GABRB1: variants seen among roughly 807,000 people sequenced by gnomAD.
GABRB1 encodes the protein gamma-aminobutyric acid type A receptor subunit beta1, also known as gamma-aminobutyric acid receptor subunit beta-1.
In GABRB1, 17 loss-of-function variants were observed where a neutral mutation model predicts 51.6. The ratio of observed to expected loss-of-function variants is 0.33; its 90% CI spans 0.23 to 0.49. The LOEUF (loss-of-function observed/expected upper bound fraction) is 0.49. GABRB1 is among the 20% of genes least tolerant of loss of function. GABRB1 has a pLI of 0.99. For missense variants in GABRB1, 410 were observed against 600.6 expected (o/e 0.68, Z 3.32); for synonymous variants, 247 against 218.9 (o/e 1.13, Z -1.14).
intron 5 of GABRB1, among the ~76,000 whole-genome samples, chr4:47,333,822 C>T (rs1162323398): frequency 6.6e-6 from 1 of 152,146 alleles, no homozygotes; most frequent in Non-Finnish European, 1.5e-5. Flanking sequence ...TGTTAATCTT[C>T]ATCCCACCAC....
At chr4:47,202,276 G>A (rs1719928999) in intron 4 of GABRB1, among the ~76,000 whole-genome samples, 1 of 152,104 alleles carries the variant, frequency 6.6e-6, no homozygotes, top group Admixed American at 6.6e-5. Context: ...TGTGAAGAAG[G>A]TGCCTTGCTT....
chr4:47,208,211 A>G (rs1299750987), intron 4 of GABRB1, among the ~76,000 whole-genome samples: 1 of 152,070 alleles, frequency 6.6e-6, no homozygotes, highest in Non-Finnish European at 1.5e-5. Flanking sequence ...TGAAAACATA[A>G]TGCTAAGAAA....
chr4:47,389,915 A>G (rs1425772701), intron 5 of GABRB1, among the ~76,000 whole-genome samples: 4 of 152,156 alleles, frequency 2.6e-5, no homozygotes, highest in Non-Finnish European at 4.4e-5. Context: ...TCAGTAGGTT[A>G]TTTTCTAACA....
At chr4:47,364,797 C>T (rs185175686) in intron 5 of GABRB1, among the ~76,000 whole-genome samples, 65 of 151,722 alleles carry the variant, frequency 4.3e-4, no homozygotes, top group Non-Finnish European at 4.0e-4. Flanking sequence ...TTAGAAGATG[C>T]GCATAAAATT....
At chr4:47,170,407 A>G (rs956554437) in intron 4 of GABRB1, among the ~76,000 whole-genome samples, 1 of 151,708 alleles carries the variant, frequency 6.6e-6, no homozygotes, top group Admixed American at 6.6e-5. Context: ...ACACACGCAC[A>G]CACACACACA....
intron 4 of GABRB1, among the ~76,000 whole-genome samples, chr4:47,193,304 T>C (rs1453901524): frequency 6.6e-6 from 1 of 152,152 alleles, no homozygotes; most frequent in African/African-American, 2.4e-5. Flanking sequence ...GCATTTTTAG[T>C]AGAGACAGGA....
intron 3 of GABRB1, among the ~76,000 whole-genome samples, chr4:47,076,344 G>A (rs989568177): frequency 1.3e-5 from 2 of 152,168 alleles, no homozygotes; most frequent in Non-Finnish European, 2.9e-5. Context: ...CCAGCCAGAT[G>A]TCCTTTGGAT....
chr4:47,287,423 A>G lies in GABRB1; in HGVS notation c.462-32704A>G, dbSNP rs536357075. Among the ~76,000 whole-genome samples the G allele has an allele frequency of 2.7e-4, 41 of 152,258 alleles. 1 individual carries two copies. Among genetic ancestry groups the G allele is most frequent in the African/African-American group, 7.7e-4 (32 of 41,568 alleles). On this transcript the variant is annotated intron_variant, in intron 4 of 8. Coordinates refer to ENST00000295454, the MANE Select transcript of GABRB1 (RefSeq NM_000812.4). ...CTGATCCTATCAGGGTTTTTTTCACATATTTCTGCAAATGTTTTCTTCTCT... is the reference window on the plus strand; with the variant it reads ...CTGATCCTATCAGGGTTTTTTTCACGTATTTCTGCAAATGTTTTCTTCTCT...
intron 4 of GABRB1, among the ~76,000 whole-genome samples, chr4:47,240,112 G>GA (rs1201204917): frequency 1.3e-5 from 2 of 152,114 alleles, no homozygotes; most frequent in Admixed American, 1.3e-4. Context: ...TGACCCTGCA[G>GA]CTCAGTCTGA....
At chr4:47,289,202 T>C (rs924102601) in intron 4 of GABRB1, among the ~76,000 whole-genome samples, 2 of 152,160 alleles carry the variant, frequency 1.3e-5, no homozygotes, top group African/African-American at 4.8e-5. Flanking sequence ...CCCCATGCTG[T>C]CTGAGTGAAA....
intron 5 of GABRB1, among the ~76,000 whole-genome samples, chr4:47,380,886 T>C (rs1008359774): frequency 6.6e-6 from 1 of 152,234 alleles, no homozygotes; most frequent in African/African-American, 2.4e-5. Flanking sequence ...CTTTGGTTTT[T>C]ATGATTTTAT....
chr4:47,286,988 A>T (rs1399461847), intron 4 of GABRB1, among the ~76,000 whole-genome samples: 1 of 151,948 alleles, frequency 6.6e-6, no homozygotes, highest in Admixed American at 6.6e-5. Context: ...TGGCTGGGGG[A>T]TTTGTTGCCA....
At chr4:47,251,754 G>C (rs1425546061) in intron 4 of GABRB1, among the ~76,000 whole-genome samples, 1 of 152,142 alleles carries the variant, frequency 6.6e-6, no homozygotes, top group Non-Finnish European at 1.5e-5. Flanking sequence ...GAGTCTTGCA[G>C]GTTGTCGGGG....
At chr4:47,382,230 G>A (rs1225172058) in intron 5 of GABRB1, among the ~76,000 whole-genome samples, 2 of 152,166 alleles carry the variant, frequency 1.3e-5, no homozygotes, top group Admixed American at 1.3e-4. Flanking sequence ...ATATTGACAT[G>A]TTGGGTGGAA....
intron 3 of GABRB1, among the ~76,000 whole-genome samples, chr4:47,061,799 G>C (rs1463539565): frequency 6.6e-6 from 1 of 152,140 alleles, no homozygotes; most frequent in African/African-American, 2.4e-5. Flanking sequence ...GCTCATCACT[G>C]TGTGACTGTC....
At chr4:47,024,880 G>A (rs2109456096) in intron 1 of GABRB1, among the ~76,000 whole-genome samples, 1 of 134,400 alleles carries the variant, frequency 7.4e-6, no homozygotes, top group East Asian at 2.3e-4. Context: ...TTCCAGCCAT[G>A]TTGCTGTGAA....
chr4:47,073,974 C>A (rs767813297), intron 3 of GABRB1, among the ~76,000 whole-genome samples: 1 of 152,130 alleles, frequency 6.6e-6, no homozygotes, highest in Non-Finnish European at 1.5e-5. Context: ...TCTCTGACAC[C>A]TGTATTTTCT....
chr4:47,160,722 A>G (rs940777238), intron 3 of GABRB1, among the ~76,000 whole-genome samples: 5 of 151,638 alleles, frequency 3.3e-5, no homozygotes, highest in African/African-American at 1.2e-4. Flanking sequence ...AAATGTTTAT[A>G]TATACTTTCA....
intron 5 of GABRB1, among the ~76,000 whole-genome samples, chr4:47,402,730 T>C (rs1728437917): frequency 6.6e-6 from 1 of 152,178 alleles, no homozygotes; most frequent in South Asian, 2.1e-4. Context: ...CAAAAATTTA[T>C]GTAGTCCTAA....
Sources: gnomAD v4.1 joint callset for allele counts (sites outside exome capture counted in the v4.1 genomes callset) on GRCh38, gnomAD v4.1.1 for gene constraint, MANE v1.5 for transcripts, NCBI Gene and HGNC (gene_info 2026-07-23, HGNC 2026-07-21) for gene names.